Variants in RORB observed in about 807,000 individuals in gnomAD.
RORB encodes the protein nuclear receptor ROR-beta.
RORB carries 6 observed loss-of-function variants against 59.1 expected under a neutral mutation model. The observed-to-expected ratio is 0.10, with a 90% CI of 0.06 to 0.20. The LOEUF (loss-of-function observed/expected upper bound fraction) is 0.20. Ranked by LOEUF, RORB falls within the 10% of genes least tolerant of loss-of-function variation. The pLI is 1.00. For synonymous variants in RORB, 215 were observed against 204.5 expected, an observed-to-expected ratio of 1.05 and a Z score of -0.44; for missense variants, 320 against 560.5, an observed-to-expected ratio of 0.57 and a Z score of 4.33.
At chr9:74,586,315 T>C (rs1822798646) in intron 1 of RORB, among the ~76,000 whole-genome samples, 2 of 151,726 alleles carry the variant, frequency 1.3e-5, no homozygotes, top group African/African-American at 4.8e-5. Context: ...CTTGGCAACA[T>C]GGCAAAACCC....
chr9:74,544,321 CA>C (rs1826456933), intron 1 of RORB, among the ~76,000 whole-genome samples: 1 of 152,168 alleles, frequency 6.6e-6, no homozygotes, highest in Non-Finnish European at 1.5e-5. Flanking sequence ...CACACACACG[CA>C]AAGACTGTTC....
intron 4 of RORB, among the ~76,000 whole-genome samples, chr9:74,659,021 T>A (rs572441694): frequency 2.0e-5 from 3 of 152,302 alleles, no homozygotes; most frequent in Non-Finnish European, 4.4e-5. Flanking sequence ...GCAGGATGGA[T>A]TGCAGAATTA....
At chr9:74,547,477 A>G (rs527604651) in intron 1 of RORB, among the ~76,000 whole-genome samples, 5 of 152,360 alleles carry the variant, frequency 3.3e-5, no homozygotes, top group African/African-American at 1.2e-4. Context: ...GAGGTTTATC[A>G]CAGCCAATTT....
intron 1 of RORB, among the ~76,000 whole-genome samples, chr9:74,544,171 G>C (rs1414762399): frequency 3.3e-5 from 5 of 152,108 alleles, no homozygotes; most frequent in Non-Finnish European, 7.4e-5. Flanking sequence ...CAGGCTTGCC[G>C]CTTGCCTTGG....
At chr9:74,543,876 A>G (rs143522405) in intron 1 of RORB, among the ~76,000 whole-genome samples, 4 of 152,360 alleles carry the variant, frequency 2.6e-5, no homozygotes, top group South Asian at 2.1e-4. Flanking sequence ...AGCTAAATGC[A>G]TATAATATGA....
intron 1 of RORB, among the ~76,000 whole-genome samples, chr9:74,589,632 G>C (rs1822855922): frequency 1.3e-5 from 2 of 152,126 alleles, no homozygotes. Context: ...TTCACACTTA[G>C]ATGCTTCATT....
rs79421028 is a variant in RORB at position 74,551,658 on chromosome 9, C to T, written c.7+53675C>T. ...TATATTGGAAATTAATTTAGGGATC[C>T]CAAGTTATACAATATAATTAGAGAC... On this transcript the variant is annotated intron_variant, in intron 1 of 9. Coordinates refer to ENST00000376896, the MANE Select transcript of RORB (RefSeq NM_006914.4). Among the ~76,000 whole-genome samples, 936 of 152,186 alleles carry T rather than the reference C, an allele frequency of 6.2e-3. 9 individuals are homozygous for T. The highest frequency in any genetic ancestry group is 0.021 in the African/African-American group (881 of 41,508).
At chr9:74,601,982 G>A (rs368086519) in intron 1 of RORB, among the ~76,000 whole-genome samples, 3 of 152,112 alleles carry the variant, frequency 2.0e-5, no homozygotes, top group South Asian at 2.1e-4. Context: ...CTTCTCACAC[G>A]GTCAGCAGAA....
At chr9:74,535,014 G>T (rs1030509827) in intron 1 of RORB, among the ~76,000 whole-genome samples, 1 of 151,944 alleles carries the variant, frequency 6.6e-6, no homozygotes, top group Non-Finnish European at 1.5e-5. Context: ...TAGATCAGCG[G>T]GCTCTGTAAC....
chr9:74,610,989 T>C (rs536527694), intron 1 of RORB, among the ~76,000 whole-genome samples: 1 of 152,342 alleles, frequency 6.6e-6, no homozygotes, highest in South Asian at 2.1e-4. Context: ...CTATTTTTAA[T>C]GACATTTCTT....
At chr9:74,660,820 C>A (rs543442897) in intron 5 of RORB, 82 bp downstream of exon 5, 1 of 1,410,824 alleles carries the variant, frequency 7.1e-7, no homozygotes, top group African/African-American at 1.4e-5. Context: ...TGGCATGTTG[C>A]ACTGGGCAAT....
At chr9:74,538,530 T>G (rs1315593713) in intron 1 of RORB, among the ~76,000 whole-genome samples, 4 of 152,134 alleles carry the variant, frequency 2.6e-5, no homozygotes, top group Admixed American at 2.0e-4. Context: ...TCTGTTAGTA[T>G]TTTGCTTCAG....
chr9:74,544,217 C>A (rs1826455220), intron 1 of RORB, among the ~76,000 whole-genome samples: 1 of 152,184 alleles, frequency 6.6e-6, no homozygotes, highest in African/African-American at 2.4e-5. Flanking sequence ...CATTATCCTT[C>A]TGATTTGAGG....
chr9:74,505,774 T>A (rs1281432058), intron 1 of RORB, among the ~76,000 whole-genome samples: 1 of 152,102 alleles, frequency 6.6e-6, no homozygotes, highest in Non-Finnish European at 1.5e-5. Flanking sequence ...TGAAATTGAG[T>A]TTATAGTAGA....
chr9:74,617,427 T>C (rs1037755836), intron 1 of RORB, among the ~76,000 whole-genome samples: 5 of 152,192 alleles, frequency 3.3e-5, no homozygotes, highest in African/African-American at 1.2e-4. Flanking sequence ...TAAGGGACAG[T>C]CGACATGTTC....
At chr9:74,519,869 T>C (rs1171711630) in intron 1 of RORB, among the ~76,000 whole-genome samples, 1 of 152,026 alleles carries the variant, frequency 6.6e-6, no homozygotes, top group Non-Finnish European at 1.5e-5. Flanking sequence ...CTGTGCCCAC[T>C]AGTCCCGTTG....
At chr9:74,545,905 A>G (rs911396147) in intron 1 of RORB, among the ~76,000 whole-genome samples, 9 of 152,202 alleles carry the variant, frequency 5.9e-5, no homozygotes, top group African/African-American at 1.9e-4. Context: ...TGGCACAGTC[A>G]ATATTTTGTT....
At position 74,630,376 on chromosome 9, in the gene RORB, CT is replaced by C; in HGVS notation, c.93+12del. ...CATGTGAAGGCTGCAAGGTATGGGACTTTCATACAGCACGGTTCTGTATTTG... is the reference window on the plus strand; with the variant it reads ...CATGTGAAGGCTGCAAGGTATGGGACTTCATACAGCACGGTTCTGTATTTG... On this transcript the variant is annotated intron_variant, in intron 2 of 9. Coordinates refer to ENST00000376896, the MANE Select transcript of RORB (RefSeq NM_006914.4). The C allele has an allele frequency of 6.2e-7, 1 of 1,607,458 alleles. No individual in the cohort carries two copies. Among genetic ancestry groups the C allele is most frequent in the Non-Finnish European group, 8.5e-7 (1 of 1,175,384 alleles).
At chr9:74,520,941 A>G (rs1446183762) in intron 1 of RORB, among the ~76,000 whole-genome samples, 2 of 151,982 alleles carry the variant, frequency 1.3e-5, no homozygotes, top group African/African-American at 2.4e-5. Flanking sequence ...AATTAACCAG[A>G]TCGAGGTGTT....
Sources: gnomAD v4.1 joint callset for allele counts (sites outside exome capture counted in the v4.1 genomes callset) on GRCh38, gnomAD v4.1.1 for gene constraint, MANE v1.5 for transcripts, NCBI Gene and HGNC (gene_info 2026-07-23, HGNC 2026-07-21) for gene names.